The following CNOT6L variants were observed in gnomAD, a reference collection of about 807,000 sequenced individuals.
CNOT6L encodes the protein CCR4-NOT transcription complex subunit 6 like, also known as CCR4-NOT transcription complex subunit 6-like.
In CNOT6L, 7 loss-of-function variants were observed where a neutral mutation model predicts 64.0. The ratio of observed to expected loss-of-function variants is 0.11; its 90% CI spans 0.06 to 0.21. CNOT6L has a LOEUF of 0.21. CNOT6L is among the 10% of genes least tolerant of loss of function. The pLI, the probability that CNOT6L is intolerant of heterozygous loss-of-function variation, is 1.00. For synonymous variants in CNOT6L, 193 were observed against 243.4 expected (o/e 0.79, Z 1.93); for missense variants, 245 against 669.0 (o/e 0.37, Z 6.99).
chr4:77,819,475 C>T, upstream of CNOT6L: 2 of 1,419,536 alleles, frequency 1.4e-6, no homozygotes, highest in South Asian at 2.5e-5. Context: ...GGCCTCGCTC[C>T]CGCCCGCCCC....
chr4:77,755,617 A>G (rs1429843592), intron 5 of CNOT6L, among the ~76,000 whole-genome samples: 1 of 152,202 alleles, frequency 6.6e-6, no homozygotes, highest in Non-Finnish European at 1.5e-5. Context: ...GAACGCCTCT[A>G]TAATAAATTT....
chr4:77,794,681 T>G (rs1373993752), intron 1 of CNOT6L, among the ~76,000 whole-genome samples: 3 of 152,156 alleles, frequency 2.0e-5, no homozygotes, highest in Non-Finnish European at 1.5e-5. Context: ...ATGGTGAAAT[T>G]CTGAATGCTT....
At chr4:77,760,859 G>GTTTTTTTTTTT (rs1205413604) in intron 4 of CNOT6L, among the ~76,000 whole-genome samples, 2 of 37,170 alleles carry the variant, frequency 5.4e-5, no homozygotes, top group Non-Finnish European at 5.6e-5. Flanking sequence ...ACCATGCCTG[G>GTTTTTTTTTTT]CTTTTTTTTT....
At chr4:77,743,190 T>C (rs1019780135) in intron 7 of CNOT6L, among the ~76,000 whole-genome samples, 11 of 152,200 alleles carry the variant, frequency 7.2e-5, no homozygotes, top group Admixed American at 1.3e-4. Flanking sequence ...TCATGCTTTA[T>C]ATTTTTTCAA....
chr4:77,771,247 AGGTTGCCGGGAGGCGGT>A (rs1727522037), intron 4 of CNOT6L, among the ~76,000 whole-genome samples: 2 of 152,088 alleles, frequency 1.3e-5, no homozygotes, highest in Admixed American at 6.5e-5. Context: ...TGGGAGGCGG[AGGTTGCCGGGAGGCGGT>A]GGTTGCAGTG....
rs978862862 is a variant in CNOT6L, at chr4:77,715,727, G to C, written c.*4704C>G. The C allele has an allele frequency of 2.0e-5, 3 of 152,458 alleles. No homozygotes were observed. The highest frequency in any genetic ancestry group is 7.2e-5 in the African/African-American group (3 of 41,412). The allele number at this position is 152,458 out of a possible 1,614,324, so 9.4% of individuals were successfully genotyped here. A position where few individuals can be genotyped will look rare whatever the true frequency, so the allele number is the denominator to read the frequency against. Reference sequence around the variant, plus strand: ...CTTTCTTTCTGTGAATCTTGTTCAAGACATCCTGTAGTTTAGATATATGGG... The same window carrying C: ...CTTTCTTTCTGTGAATCTTGTTCAACACATCCTGTAGTTTAGATATATGGG... On this transcript the variant is annotated 3_prime_UTR_variant, in exon 12 of 12. Transcript: ENST00000504123.
In CNOT6L at chr4:77,818,907, C is replaced by A. The variant is rs906163230; in HGVS notation, c.5+397G>T. The A allele has an allele frequency of 2.0e-4, 110 of 547,444 alleles. No individual in the cohort carries two copies. In the Admixed American group the frequency reaches 2.6e-3, roughly 13 times the overall value. The allele number at this position is 547,444 out of a possible 1,614,324, so 33.9% of individuals were successfully genotyped here. ...GGCACCGACCAGCAGCTCTCCCAGC[C>A]CCGCTGCCGCGCGTGTGCCGCACTC... On this transcript the variant is annotated intron_variant, in intron 1 of 11. Coordinates refer to ENST00000504123, the MANE Select transcript of CNOT6L (RefSeq NM_144571.3).
rs17448633 is a variant in CNOT6L, at chr4:77,716,999, T to A, written c.*3432A>T. The A allele has an allele frequency of 0.048, 7,337 of 152,524 alleles. 254 individuals are homozygous for A. The highest frequency in any genetic ancestry group is 0.073 in the Non-Finnish European group (4,950 of 67,958). The allele number at this position is 152,524 out of a possible 1,614,324, so 9.4% of individuals were successfully genotyped here. Reference sequence around the variant, plus strand: ...GTTCACACGCCTTACATCAAAGAAATGAAACAAAAATATTCAGCTATGTTA... The same window carrying A: ...GTTCACACGCCTTACATCAAAGAAAAGAAACAAAAATATTCAGCTATGTTA... On this transcript the variant is annotated 3_prime_UTR_variant, in exon 12 of 12. Coordinates refer to ENST00000504123, the MANE Select transcript of CNOT6L (RefSeq NM_144571.3).
chr4:77,767,302 T>G (rs1726958649), intron 4 of CNOT6L, among the ~76,000 whole-genome samples: 1 of 152,070 alleles, frequency 6.6e-6, no homozygotes, highest in Non-Finnish European at 1.5e-5. Context: ...TCAATGAAAT[T>G]CCAGAGTTCA....
chr4:77,753,959 CT>C (rs1332670350), intron 5 of CNOT6L, among the ~76,000 whole-genome samples: 1 of 149,168 alleles, frequency 6.7e-6, no homozygotes, highest in Admixed American at 6.7e-5. Flanking sequence ...CTTCCTTCAT[CT>C]GATGAAGTTT....
intron 1 of CNOT6L, among the ~76,000 whole-genome samples, chr4:77,806,520 A>T (rs1732238722): frequency 6.6e-6 from 1 of 152,314 alleles, no homozygotes; most frequent in South Asian, 2.1e-4. Flanking sequence ...GATAATTATG[A>T]TATTCTAGAG....
At chr4:77,789,351 T>C (rs1371989335) in intron 1 of CNOT6L, among the ~76,000 whole-genome samples, 7 of 151,618 alleles carry the variant, frequency 4.6e-5, no homozygotes, top group Admixed American at 3.9e-4. Flanking sequence ...CTCAATTTTC[T>C]CATTAACAAA....
intron 1 of CNOT6L, among the ~76,000 whole-genome samples, chr4:77,809,598 C>T (rs1287127337): frequency 6.6e-6 from 1 of 152,012 alleles, no homozygotes; most frequent in Non-Finnish European, 1.5e-5. Context: ...CTGAGTTTTG[C>T]TTTGTTAAAT....
chr4:77,759,519 T>C (rs1215535571), intron 4 of CNOT6L, among the ~76,000 whole-genome samples: 3 of 150,986 alleles, frequency 2.0e-5, no homozygotes, highest in African/African-American at 7.3e-5. Context: ...GAGCCGAGAT[T>C]GCGCCACTGC....
intron 4 of CNOT6L, among the ~76,000 whole-genome samples, chr4:77,757,450 A>T (rs922215220): frequency 6.6e-6 from 1 of 152,184 alleles, no homozygotes; most frequent in Non-Finnish European, 1.5e-5. Context: ...TGAGAAGAAA[A>T]GAATTTTGTT....
intron 5 of CNOT6L, among the ~76,000 whole-genome samples, chr4:77,753,601 G>A (rs1387868297): frequency 6.6e-6 from 1 of 152,090 alleles, no homozygotes; most frequent in Non-Finnish European, 1.5e-5. Flanking sequence ...AACCTGGGAA[G>A]TGGAGGTTGC....
At chr4:77,779,950 T>A (rs776535252) in intron 1 of CNOT6L, among the ~76,000 whole-genome samples, 1 of 151,986 alleles carries the variant, frequency 6.6e-6, no homozygotes, top group Non-Finnish European at 1.5e-5. Flanking sequence ...GGCAACAGAG[T>A]GAGACCCTGT....
At chr4:77,738,799 A>G (rs1040190067) in intron 8 of CNOT6L, among the ~76,000 whole-genome samples, 2 of 151,950 alleles carry the variant, frequency 1.3e-5, no homozygotes, top group African/African-American at 2.4e-5. Context: ...TTCTACATAT[A>G]CATTATATAC....
chr4:77,779,258 A>T (rs1008126606), intron 1 of CNOT6L, among the ~76,000 whole-genome samples: 1 of 152,038 alleles, frequency 6.6e-6, no homozygotes, highest in Non-Finnish European at 1.5e-5. Context: ...ATCAATGATC[A>T]TATGCTTTAT....
Sources: allele counts gnomAD v4.1 joint callset (sites outside exome capture counted in the v4.1 genomes callset), GRCh38; gene constraint gnomAD v4.1.1; transcripts MANE v1.5; gene names NCBI Gene and HGNC (gene_info 2026-07-23, HGNC 2026-07-21).